Variants in LAMA3 observed in about 807,000 individuals in gnomAD.
The protein encoded by LAMA3 is laminin subunit alpha-3.
In LAMA3, 281 loss-of-function variants were observed where a neutral mutation model predicts 402.0. The ratio of observed to expected loss-of-function variants is 0.70; its 90% CI spans 0.63 to 0.77. The LOEUF is 0.77. Ranked by LOEUF, LAMA3 falls within the 30% of genes least tolerant of loss-of-function variation. The pLI is 0.00. For synonymous variants in LAMA3, 1,431 were observed against 1,558.4 expected (o/e 0.92, Z 1.93); for missense variants, 3,840 against 4,215.5 (o/e 0.91, Z 2.47).
Position 23,826,791 on chromosome 18 carries a change from C to T in LAMA3, c.2661C>T (p.Pro887=), listed in dbSNP as rs985754058. 9 of 1,558,768 alleles carry T rather than the reference C, an allele frequency of 5.8e-6. No individual in the cohort carries two copies. The highest frequency in any genetic ancestry group is 7.8e-6 in the Non-Finnish European group (9 of 1,149,740). The change falls in exon 22 of 75, where the codon CCC becomes CCT. Residue 887 remains proline, a synonymous_variant. Transcript: ENST00000313654. The part of the protein sequence containing the change: ...VTEPCAYAGP[P]QENCLLYQHL... ...AACCATGTGCCTACGCAGGACCTCC[C>T]CAAGAAAAGTCAGTGTGGGGCAGAA...
chr18:23,722,758 C>T (rs9946091), intron 2 of LAMA3, among the ~76,000 whole-genome samples: 7,291 of 152,286 alleles, frequency 0.048, 431 homozygotes, highest in Admixed American at 0.17. Context: ...CTGGAATGTT[C>T]TCTCAGTCTA....
chr18:23,730,984 C>T (rs1045484163), intron 2 of LAMA3, among the ~76,000 whole-genome samples: 4 of 152,012 alleles, frequency 2.6e-5, no homozygotes, highest in African/African-American at 9.7e-5. Context: ...TGGATTGTTA[C>T]AGAGAAGCTC....
intron 49 of LAMA3, 115 bp from the exon 50 acceptor site, chr18:23,903,818 A>G (rs2145146929): frequency 3.4e-6 from 3 of 875,154 alleles, no homozygotes; most frequent in Middle Eastern, 3.4e-4. Context: ...AGGCTTAGAA[A>G]ATATAACATC....
chr18:23,898,608 C>A, intron 44 of LAMA3, 130 bp from the exon 45 acceptor site: 1 of 715,348 alleles, frequency 1.4e-6, no homozygotes, highest in Non-Finnish European at 2.6e-6. Flanking sequence ...TTTCCAAGAA[C>A]CACATTTGTG....
At chr18:23,951,226 T>G (rs113261115) in intron 72 of LAMA3, among the ~76,000 whole-genome samples, 8 of 152,344 alleles carry the variant, frequency 5.3e-5, no homozygotes, top group African/African-American at 1.9e-4. Flanking sequence ...TCAATCATTT[T>G]GCTTGTTTAA....
intron 32 of LAMA3, among the ~76,000 whole-genome samples, chr18:23,856,935 T>A (rs1478089904): frequency 6.6e-6 from 1 of 152,178 alleles, no homozygotes; most frequent in Non-Finnish European, 1.5e-5. Context: ...CTGCTGCTGC[T>A]GCTGGAATTC....
Position 23,950,159 on chromosome 18 carries a change from G to C in LAMA3, c.9642G>C (p.Lys3214Asn). ...KHLCVYLEAG[K>N]VTASMDSGAG... ...TATGTGTTTACCTGGAGGCAGGAAA[G>C]GTGTGTAGCAGTCTGATGCCATGGG... Residue 3214 changes from lysine (K) to asparagine (N), a missense_variant and splice_region_variant, in exon 72 of 75, where the codon AAG (lysine) becomes AAC (asparagine). This residue lies in a region of LAMA3 where 840 missense variants were observed against 981.9 expected (regional missense o/e 0.86). Transcript: ENST00000313654. 1 of 1,614,072 alleles carries C rather than the reference G, an allele frequency of 6.2e-7. No individual in the cohort carries two copies. The highest frequency in any genetic ancestry group is 8.5e-7 in the Non-Finnish European group (1 of 1,179,998).
At chr18:23,876,046 C>T (rs930881825) in intron 38 of LAMA3, among the ~76,000 whole-genome samples, 7 of 152,214 alleles carry the variant, frequency 4.6e-5, no homozygotes, top group African/African-American at 1.7e-4. Context: ...CTCAGTGGTG[C>T]ACATGCCTGT....
chr18:23,781,426 C>T (rs947484721), intron 11 of LAMA3: 1 of 343,194 alleles, frequency 2.9e-6, no homozygotes, highest in Non-Finnish European at 5.9e-6. Flanking sequence ...ATTAAATGAA[C>T]CTAAGACAGA....
chr18:23,928,354 A>G (rs2082069141), intron 63 of LAMA3, 114 bp downstream of exon 63: 1 of 773,074 alleles, frequency 1.3e-6, no homozygotes, highest in Non-Finnish European at 2.3e-6. Flanking sequence ...GTTACAGTGA[A>G]CTGGCTCATA....
intron 27 of LAMA3, among the ~76,000 whole-genome samples, chr18:23,840,587 A>T (rs1367873305): frequency 1.3e-5 from 2 of 151,780 alleles, no homozygotes; most frequent in Admixed American, 1.3e-4. Flanking sequence ...GGATCTTGCT[A>T]TGTTGCCCAG....
intron 12 of LAMA3, among the ~76,000 whole-genome samples, chr18:23,809,735 T>C (rs1228543026): frequency 1.3e-5 from 2 of 152,152 alleles, no homozygotes; most frequent in Non-Finnish European, 2.9e-5. Flanking sequence ...CTAGGATGCC[T>C]TTCCCATCCT....
chr18:23,899,700 A>G, intron 47 of LAMA3: 2 of 425,076 alleles, frequency 4.7e-6, no homozygotes, highest in Middle Eastern at 7.0e-4. Context: ...AAAGTTAGAT[A>G]TGGTTGCCTC....
At chr18:23,826,907 C>A in intron 22 of LAMA3, 108 bp downstream of exon 22, 2 of 718,092 alleles carry the variant, frequency 2.8e-6, no homozygotes, top group Non-Finnish European at 5.0e-6. Flanking sequence ...CAGCATGATG[C>A]TCTGGATAAT....
At chr18:23,831,627 G>A (rs1403706739) in intron 23 of LAMA3, among the ~76,000 whole-genome samples, 2 of 152,124 alleles carry the variant, frequency 1.3e-5, no homozygotes, top group Non-Finnish European at 2.9e-5. Flanking sequence ...TGTTTGTCTA[G>A]TTATCTAATT....
chr18:23,809,711 G>A (rs75046315), intron 12 of LAMA3, among the ~76,000 whole-genome samples: 12,430 of 152,166 alleles, frequency 0.082, 690 homozygotes, highest in Non-Finnish European at 0.12. Flanking sequence ...TAACAGCTTG[G>A]GGGAGGGAGG....
chr18:23,692,190 G>T (rs1361840467), intron 1 of LAMA3, among the ~76,000 whole-genome samples: 1 of 152,204 alleles, frequency 6.6e-6, no homozygotes, highest in African/African-American at 2.4e-5. Context: ...AAAATTTTTA[G>T]AAGTAGAAAC....
Position 23,928,764 on chromosome 18 carries a change from G to T in LAMA3, c.8435G>T (p.Trp2812Leu). The T allele has an allele frequency of 6.2e-7, 1 of 1,613,376 alleles. No homozygotes were observed. Among genetic ancestry groups the T allele is most frequent in the Non-Finnish European group, 8.5e-7 (1 of 1,179,310 alleles). ...GGCATATTATTAGATCATCAGACAT[G>T]GGTATGCAGTAGTGCATTAATATCA... ...PSGILLDHQT[W>L]TRNLQVTLED... The change falls in exon 64 of 75, where the codon TGG becomes TTG. Residue 2812 changes from tryptophan (W) to leucine (L), a missense_variant and splice_region_variant. By Grantham distance (61) the Trp-to-Leu change is moderately conservative (BLOSUM62 -2). Around this residue, in one of 3 missense-constraint regions of LAMA3, gnomAD observed 840 missense variants for 981.9 expected, o/e 0.86. Coordinates refer to ENST00000313654, the MANE Select transcript of LAMA3 (RefSeq NM_198129.4).
At chr18:23,698,108 G>T (rs544139379) in intron 1 of LAMA3, among the ~76,000 whole-genome samples, 2 of 110,754 alleles carry the variant, frequency 1.8e-5, no homozygotes, top group Non-Finnish European at 3.4e-5. Flanking sequence ...GGTCATGGGG[G>T]TTAGGACTTC....
Sources: gnomAD v4.1 joint callset for allele counts (sites outside exome capture counted in the v4.1 genomes callset) on GRCh38, gnomAD v4.1.1 for gene constraint, gnomAD v4.1.1 regional missense constraint, MANE v1.5 for transcripts, NCBI Gene and HGNC (gene_info 2026-07-23, HGNC 2026-07-21) for gene names.